Variants in PPFIA2 observed in about 807,000 individuals in gnomAD.
The protein encoded by PPFIA2 is liprin-alpha-2.
In PPFIA2, 46 loss-of-function variants were observed where a neutral mutation model predicts 175.5. The observed-to-expected ratio is 0.26, with a 90% CI of 0.21 to 0.34. The LOEUF (loss-of-function observed/expected upper bound fraction) is 0.34, where lower values mean the gene tolerates loss of function less well. PPFIA2 is among the 10% of genes least tolerant of loss of function. The probability of loss-of-function intolerance (pLI) is 1.00; values close to 1 mark genes in which losing one functional copy is unlikely to be tolerated. For missense variants in PPFIA2, 1,179 were observed against 1,506.1 expected, an observed-to-expected ratio of 0.78 and a Z score of 3.60; for synonymous variants, 568 against 511.4, an observed-to-expected ratio of 1.11 and a Z score of -1.49.
At chr12:81,731,916 T>C (rs2080964970) in intron 3 of PPFIA2, among the ~76,000 whole-genome samples, 1 of 151,598 alleles carries the variant, frequency 6.6e-6, no homozygotes, top group Non-Finnish European at 1.5e-5. Context: ...CTGATTCTAG[T>C]CACTAAAGAG....
chr12:81,604,713 T>A (rs1922416), intron 4 of PPFIA2, among the ~76,000 whole-genome samples: 41,619 of 151,478 alleles, frequency 0.27, 6,190 homozygotes, highest in African/African-American at 0.38. Context: ...AACATACCCA[T>A]TTTAATCGCT....
At chr12:81,489,303 C>T (rs2059175343) in intron 4 of PPFIA2, among the ~76,000 whole-genome samples, 1 of 151,512 alleles carries the variant, frequency 6.6e-6, no homozygotes. Flanking sequence ...GTAAAATATT[C>T]ATAATAGATC....
chr12:81,582,694 T>C (rs2074593725), intron 4 of PPFIA2, among the ~76,000 whole-genome samples: 1 of 151,842 alleles, frequency 6.6e-6, no homozygotes, highest in Non-Finnish European at 1.5e-5. Context: ...TAGTGCAAAA[T>C]ATATTAACTT....
chr12:81,740,841 T>C (rs189082609), intron 3 of PPFIA2, among the ~76,000 whole-genome samples: 307 of 152,104 alleles, frequency 2.0e-3, no homozygotes, highest in Middle Eastern at 6.8e-3. Flanking sequence ...CAAAAAAAAA[T>C]AGAATAATTC....
At chr12:81,564,029 T>C (rs1346813055) in intron 4 of PPFIA2, among the ~76,000 whole-genome samples, 1 of 152,178 alleles carries the variant, frequency 6.6e-6, no homozygotes, top group African/African-American at 2.4e-5. Flanking sequence ...ATAAATCTTT[T>C]TATTTAAAAG....
chr12:81,545,675 A>G (rs1225555475), intron 4 of PPFIA2: 1 of 152,230 alleles, frequency 6.6e-6, no homozygotes, highest in East Asian at 1.9e-4. Flanking sequence ...CAGTTGGTGA[A>G]TTTCTGACAA....
At chr12:81,601,646 C>T (rs942093216) in intron 4 of PPFIA2, among the ~76,000 whole-genome samples, 2 of 151,644 alleles carry the variant, frequency 1.3e-5, no homozygotes, top group Non-Finnish European at 2.9e-5. Context: ...CCAAGAAGTC[C>T]TAATGGGCAG....
intron 7 of PPFIA2, among the ~76,000 whole-genome samples, chr12:81,418,384 C>T (rs968099405): frequency 2.0e-5 from 3 of 152,036 alleles, no homozygotes; most frequent in Middle Eastern, 3.4e-3. Context: ...ATATTTCATA[C>T]TTTTATTGCT....
At chr12:81,751,551 A>G (rs1297329005) in intron 3 of PPFIA2, among the ~76,000 whole-genome samples, 2 of 151,758 alleles carry the variant, frequency 1.3e-5, no homozygotes, top group African/African-American at 4.8e-5. Flanking sequence ...ACACACACAC[A>G]CACACACACA....
At chr12:81,561,188 A>C (rs186752914) in intron 4 of PPFIA2, among the ~76,000 whole-genome samples, 1 of 152,182 alleles carries the variant, frequency 6.6e-6, no homozygotes, top group Non-Finnish European at 1.5e-5. Flanking sequence ...CAGGCTGTGT[A>C]TATGATATGA....
intron 3 of PPFIA2, among the ~76,000 whole-genome samples, chr12:81,712,972 G>A (rs550027067): frequency 2.6e-5 from 4 of 151,008 alleles, no homozygotes; most frequent in African/African-American, 9.7e-5. Flanking sequence ...TAAAGGCAAG[G>A]GCTGGAGCCT....
intron 3 of PPFIA2, among the ~76,000 whole-genome samples, chr12:81,733,322 G>T (rs2081162417): frequency 6.6e-6 from 1 of 151,536 alleles, no homozygotes; most frequent in Non-Finnish European, 1.5e-5. Flanking sequence ...CTTTAAGGAA[G>T]ATTGCGTTTT....
At chr12:81,666,213 A>G (rs572785025) in intron 4 of PPFIA2, among the ~76,000 whole-genome samples, 13 of 152,168 alleles carry the variant, frequency 8.5e-5, no homozygotes, top group Non-Finnish European at 1.6e-4. Flanking sequence ...CGATTCCTCA[A>G]GGATCTAGAA....
At chr12:81,734,709 ATTCCT>A (rs1205867081) in intron 3 of PPFIA2, among the ~76,000 whole-genome samples, 1 of 151,802 alleles carries the variant, frequency 6.6e-6, no homozygotes. Context: ...ATATCACAAA[ATTCCT>A]TTGTGTTTAG....
At chr12:81,435,703 T>C (rs2048857119) in intron 7 of PPFIA2, among the ~76,000 whole-genome samples, 1 of 152,312 alleles carries the variant, frequency 6.6e-6, no homozygotes, top group African/African-American at 2.4e-5. Context: ...AGATTCTACA[T>C]ATGCATATAT....
chr12:81,259,508 T>C lies in PPFIA2; in HGVS notation c.*186A>G. 3 of 833,610 alleles carry C rather than the reference T, an allele frequency of 3.6e-6. No homozygotes were observed. The highest frequency in any genetic ancestry group is 2.3e-5 in the Admixed American group (1 of 43,516). The allele number at this position is 833,610 out of a possible 1,614,324, so 51.6% of individuals were successfully genotyped here. A position where few individuals can be genotyped will look rare whatever the true frequency, so the allele number is the denominator to read the frequency against. ...CAATTTGTAGTAAACTAATCAAATG[T>C]AATATCTGACTCCCCCCAAAAATCA... On this transcript the variant is annotated 3_prime_UTR_variant, in exon 33 of 33. Transcript: ENST00000549396.
rs545274174 is a variant in PPFIA2 at position 81,732,807 on chromosome 12, C to T, written c.249+21166G>A. On this transcript the variant is annotated intron_variant, in intron 3 of 32. Transcript: ENST00000549396. ...TAGTGTAAAAGATGATAAAGACCAT[C>T]GACCTAAATTGAACTTTAAGTAATT... is the stretch of plus-strand genomic sequence containing the variant. 4.0e-5 allele frequency among the ~76,000 whole-genome samples: 6 copies of T among 151,412 alleles called. No individual in the cohort carries two copies. The East Asian group carries it at 1.2e-3, about 29-fold the overall frequency.
At chr12:81,413,809 G>A (rs1055589275) in intron 7 of PPFIA2, among the ~76,000 whole-genome samples, 1 of 151,678 alleles carries the variant, frequency 6.6e-6, no homozygotes, top group African/African-American at 2.4e-5. Context: ...TCTGCCAATA[G>A]AATTTTCCAA....
chr12:81,659,114 C>A (rs1041286488), intron 4 of PPFIA2, among the ~76,000 whole-genome samples: 4 of 152,104 alleles, frequency 2.6e-5, no homozygotes, highest in Non-Finnish European at 5.9e-5. Flanking sequence ...AGGAACAGCT[C>A]CAGTCTACAG....
Sources: allele counts gnomAD v4.1 joint callset (sites outside exome capture counted in the v4.1 genomes callset), GRCh38; gene constraint gnomAD v4.1.1; transcripts MANE v1.5; gene names NCBI Gene and HGNC (gene_info 2026-07-23, HGNC 2026-07-21).